ARFGEF1: variants seen among roughly 807,000 people sequenced by gnomAD.
ARFGEF1 encodes brefeldin A-inhibited guanine nucleotide-exchange protein 1.
A neutral mutation model predicts 231.0 loss-of-function variants in ARFGEF1; 42 were observed. The ratio of observed to expected loss-of-function variants is 0.18; its 90% CI spans 0.14 to 0.24. The LOEUF (loss-of-function observed/expected upper bound fraction) is 0.24, where lower values mean the gene tolerates loss of function less well. Ranked by LOEUF, ARFGEF1 falls within the 10% of genes least tolerant of loss-of-function variation. The pLI, the probability that ARFGEF1 is intolerant of heterozygous loss-of-function variation, is 1.00. For synonymous variants in ARFGEF1, 710 were observed against 732.3 expected (o/e 0.97, Z 0.49); for missense variants, 1,345 against 2,192.0 (o/e 0.61, Z 7.72).
intron 1 of ARFGEF1, among the ~76,000 whole-genome samples, chr8:67,312,031 T>G (rs781019957): frequency 1.3e-5 from 2 of 152,072 alleles, no homozygotes; most frequent in Admixed American, 6.5e-5. Context: ...AACAGATGCT[T>G]GAAGGCAGCA....
At chr8:67,320,141 T>C (rs1807513074) in intron 1 of ARFGEF1, among the ~76,000 whole-genome samples, 1 of 147,572 alleles carries the variant, frequency 6.8e-6, no homozygotes, top group Admixed American at 7.0e-5. Flanking sequence ...GAGAATCGCT[T>C]GAACCTGGGG....
At chr8:67,262,166 T>C (rs1038678067) in intron 14 of ARFGEF1, among the ~76,000 whole-genome samples, 17 of 152,130 alleles carry the variant, frequency 1.1e-4, no homozygotes, top group African/African-American at 3.4e-4. Flanking sequence ...TTAAGAACAT[T>C]TGTGACTCAT....
chr8:67,284,275 G>A (rs922332270), intron 7 of ARFGEF1, among the ~76,000 whole-genome samples: 5 of 151,902 alleles, frequency 3.3e-5, no homozygotes, highest in African/African-American at 1.2e-4. Flanking sequence ...AATAAAAAAC[G>A]CCTTTGCTTA....
chr8:67,179,592 A>G (rs1832525970), intron 5 of ARFGEF1, among the ~76,000 whole-genome samples: 1 of 152,184 alleles, frequency 6.6e-6, no homozygotes, highest in Non-Finnish European at 1.5e-5. Context: ...AAGGGGCAGG[A>G]AGGAGTGGAG....
At chr8:67,325,195 G>T (rs1807777944) in intron 1 of ARFGEF1, among the ~76,000 whole-genome samples, 1 of 150,536 alleles carries the variant, frequency 6.6e-6, no homozygotes, top group South Asian at 2.1e-4. Flanking sequence ...TTTCAGGCGT[G>T]AGCCACCACA....
intron 22 of ARFGEF1, among the ~76,000 whole-genome samples, chr8:67,236,133 A>AAAAC (rs146783955): frequency 7.9e-4 from 119 of 150,386 alleles, no homozygotes; most frequent in East Asian, 2.2e-3. Flanking sequence ...TGTCTCTACT[A>AAAAC]AAACAAACAA....
At chr8:67,229,764 G>A (rs1161131427) in intron 23 of ARFGEF1, among the ~76,000 whole-genome samples, 1 of 152,042 alleles carries the variant, frequency 6.6e-6, no homozygotes, top group African/African-American at 2.4e-5. Context: ...GGCAATGGCT[G>A]TAAACAAGCC....
At chr8:67,234,600 A>G (rs983060348) in intron 22 of ARFGEF1, among the ~76,000 whole-genome samples, 1 of 152,144 alleles carries the variant, frequency 6.6e-6, no homozygotes, top group African/African-American at 2.4e-5. Context: ...GGAAGAAGGG[A>G]AAAGAACAGC....
chr8:67,236,361 AAAAAATATATATATATATATATATATAT>A (rs1466090668), intron 22 of ARFGEF1, among the ~76,000 whole-genome samples: 1 of 42,064 alleles, frequency 2.4e-5, no homozygotes, highest in Non-Finnish European at 4.3e-5. Flanking sequence ...AAAAAAAAAA[AAAAAATATATATATATATATATATATAT>A]ATATATATAT....
chr8:67,299,056 T>G (rs1253350095), intron 4 of ARFGEF1, among the ~76,000 whole-genome samples, 153 bp downstream of exon 4: 1 of 152,216 alleles, frequency 6.6e-6, no homozygotes, highest in Non-Finnish European at 1.5e-5. Flanking sequence ...AGTGCTGGGA[T>G]TACAGGCATG....
At chr8:67,259,243 T>A (rs544387499) in intron 15 of ARFGEF1, among the ~76,000 whole-genome samples, 1 of 152,228 alleles carries the variant, frequency 6.6e-6, no homozygotes, top group African/African-American at 2.4e-5. Flanking sequence ...CTGTTTGTTT[T>A]TGAGACAGAC....
intron 38 of ARFGEF1, chr8:67,199,822 T>C (rs937439957): frequency 6.1e-6 from 1 of 164,714 alleles, no homozygotes; most frequent in African/African-American, 2.4e-5. Flanking sequence ...TAAGTTGCTA[T>C]TTTTTTTTCT....
At chr8:67,282,861 G>GA (rs1416230385) in intron 7 of ARFGEF1, among the ~76,000 whole-genome samples, 1 of 142,194 alleles carries the variant, frequency 7.0e-6, no homozygotes, top group Non-Finnish European at 1.5e-5. Flanking sequence ...AAAAAAAAAA[G>GA]AAAGAAAGAA....
At chr8:67,267,494 G>T in intron 10 of ARFGEF1, 52 bp from the exon 11 acceptor site, 1 of 1,217,648 alleles carries the variant, frequency 8.2e-7, no homozygotes. Context: ...ATTCATATGT[G>T]TGATCACTTT....
intron 1 of ARFGEF1, among the ~76,000 whole-genome samples, chr8:67,309,287 G>T (rs548158878): frequency 6.6e-6 from 1 of 152,304 alleles, no homozygotes; most frequent in African/African-American, 2.4e-5. Context: ...AAGAGAGATA[G>T]CGATCAAAGG....
downstream of ARFGEF1, among the ~76,000 whole-genome samples, chr8:67,196,961 C>G (rs1191016957): frequency 6.6e-6 from 1 of 152,180 alleles, no homozygotes; most frequent in African/African-American, 2.4e-5. Flanking sequence ...AGACTGAATA[C>G]TTTTCCTCTT....
intron 34 of ARFGEF1, 95 bp downstream of exon 34, chr8:67,211,388 T>A: frequency 8.8e-6 from 6 of 684,998 alleles, no homozygotes; most frequent in South Asian, 3.8e-5. Context: ...CAATCAATTA[T>A]AGTATATGCT....
At chr8:67,225,276 C>G (rs1839332722) in intron 28 of ARFGEF1, among the ~76,000 whole-genome samples, 1 of 152,208 alleles carries the variant, frequency 6.6e-6, no homozygotes, top group Non-Finnish European at 1.5e-5. Flanking sequence ...GCTTCACTTT[C>G]AACTGTCACC....
chr8:67,271,585 A>G, intron 10 of ARFGEF1, 117 bp downstream of exon 10: 3 of 763,920 alleles, frequency 3.9e-6, no homozygotes, highest in Non-Finnish European at 6.3e-6. Flanking sequence ...AAATAAGTGC[A>G]TGGCAATATA....
Sources: allele counts gnomAD v4.1 joint callset (sites outside exome capture counted in the v4.1 genomes callset), GRCh38; gene constraint gnomAD v4.1.1; transcripts MANE v1.5; gene names NCBI Gene and HGNC (gene_info 2026-07-23, HGNC 2026-07-21).